KLK12: variants seen among roughly 807,000 people sequenced by gnomAD.
KLK12 encodes kallikrein-12.
Under a neutral mutation model 20.0 loss-of-function variants are expected in KLK12, and 23 were observed. The observed-to-expected ratio is 1.15, with a 90% CI of 0.83 to 1.63. KLK12 has a LOEUF of 1.63. Ranked by LOEUF, KLK12 falls within the 40% of genes most tolerant of loss-of-function variation. The pLI is 0.00. For missense variants in KLK12, 351 were observed against 338.6 expected, an observed-to-expected ratio of 1.04 and a Z score of -0.29; for synonymous variants, 147 against 141.9, an observed-to-expected ratio of 1.04 and a Z score of -0.25.
At position 51,030,793 on chromosome 19, in the gene KLK12, A is replaced by G. The variant is rs1447793439; in HGVS notation, c.586T>C (p.Cys196Arg). 3 of 1,613,630 alleles carry G rather than the reference A, an allele frequency of 1.9e-6. No homozygotes were observed. The highest frequency in any genetic ancestry group is 1.7e-6 in the Non-Finnish European group (2 of 1,180,008). ...CGCTGCCTGCACTGGCTCACCTGGC[A>G]GGCATCCTGCCCCGGGACGCCGCCT... The part of the protein sequence containing the change: ...CAGGVPGQDA[C>R]QGDSGGPLVC... Residue 196 changes from cysteine to arginine, a missense_variant, in exon 5 of 6, where the codon TGC (cysteine) becomes CGC (arginine). Coordinates refer to ENST00000684732, the MANE Select transcript of KLK12 (RefSeq NM_001370125.1).
At chr19:51,030,954 C>T in intron 4 of KLK12, 33 bp from the exon 5 acceptor site, 1 of 1,613,680 alleles carries the variant, frequency 6.2e-7, no homozygotes, top group East Asian at 2.2e-5. Context: ...GCAGGGTCCC[C>T]TAAATCTCCC....
chr19:51,031,511 A>G (rs960931083), intron 4 of KLK12, among the ~76,000 whole-genome samples: 1 of 151,200 alleles, frequency 6.6e-6, no homozygotes, highest in South Asian at 2.1e-4. Context: ...ACCAGATTGT[A>G]CAACCTCTGG....
At position 51,034,156 on chromosome 19, in the gene KLK12, G is replaced by T. The variant is rs780397576; in HGVS notation, c.38-17C>A. The T allele has an allele frequency of 1.9e-6, 3 of 1,551,348 alleles. No homozygotes were observed. In the Admixed American group the frequency reaches 5.9e-5, roughly 30 times the overall value. On this transcript the variant is annotated splice_polypyrimidine_tract_variant and intron_variant, in intron 2 of 5. Transcript: ENST00000684732. The stretch of plus-strand genomic sequence containing the variant: ...GGCTGAGCCCTGGAGACAGACAGGG[G>T]CATGGGTCAGAGAGAGGAAGAAAAG...
intron 2 of KLK12, 125 bp from the exon 3 acceptor site, chr19:51,034,264 G>C: frequency 3.2e-6 from 4 of 1,244,096 alleles, no homozygotes; most frequent in Non-Finnish European, 4.5e-6. Context: ...GAAAGAGAGA[G>C]AAAGAGAGAG....
At chr19:51,029,839 G>A (rs1043114908) in intron 5 of KLK12, among the ~76,000 whole-genome samples, 5 of 152,062 alleles carry the variant, frequency 3.3e-5, no homozygotes, top group African/African-American at 1.2e-4. Flanking sequence ...AATGAGGAGA[G>A]AGAACACTAT....
At chr19:51,029,498 C>T (rs2091529935) in intron 5 of KLK12, 41 bp from the exon 6 acceptor site, 1 of 1,532,416 alleles carries the variant, frequency 6.5e-7, no homozygotes, top group Admixed American at 1.7e-5. Context: ...AGGGAGACAT[C>T]TTATTTCTGT....
chr19:51,033,402 G>C (rs965330034), intron 3 of KLK12, among the ~76,000 whole-genome samples: 5 of 151,990 alleles, frequency 3.3e-5, no homozygotes, highest in African/African-American at 7.3e-5. Context: ...GGTCATTTGA[G>C]GCCAGGAGTT....
At position 51,034,865 on chromosome 19, in the gene KLK12, G is replaced by A. The variant is rs1334824688; in HGVS notation, c.-79C>T. 11 of 1,392,142 alleles carry A rather than the reference G, an allele frequency of 7.9e-6. No homozygotes were observed. The highest frequency in any genetic ancestry group is 2.7e-5 in the East Asian group (1 of 36,368). 86.2% of individuals were successfully genotyped at this position (1,392,142 alleles called of 1,614,324 possible). On this transcript the variant is annotated 5_prime_UTR_variant, in exon 1 of 6. Transcript: ENST00000684732. ...TGTCACTGTTTGGCCTGTCCTCGTC[G>A]CTGCTATCTCTCCGTCCACCTACCT... is the stretch of plus-strand genomic sequence containing the variant.
At chr19:51,030,755 T>C in intron 5 of KLK12, 33 bp downstream of exon 5, 2 of 1,612,136 alleles carry the variant, frequency 1.2e-6, no homozygotes, top group Non-Finnish European at 1.7e-6. Flanking sequence ...CTTCCTGTCC[T>C]GGTGACCACG....
intron 1 of KLK12, 40 bp from the exon 2 acceptor site, chr19:51,034,680 G>A (rs2091594751): frequency 2.5e-6 from 4 of 1,579,872 alleles, no homozygotes; most frequent in East Asian, 4.5e-5. Context: ...CCCTTTCCCT[G>A]TGCCCCCCAC....
Position 51,031,595 on chromosome 19 carries a change from C to CATACATATATAT in KLK12, c.457+280_457+281insATATATATGTAT, listed in dbSNP as rs6146546. The stretch of plus-strand genomic sequence containing the variant: ...CCACAATGCCCATATCCTATACATA[C>CATACATATATAT]ATATATATATATATATGCCTTTTGC... On this transcript the variant is annotated intron_variant, in intron 4 of 5. Transcript: ENST00000684732. Among the ~76,000 whole-genome samples, 640 of 120,368 alleles carry CATACATATATAT rather than the reference C, an allele frequency of 5.3e-3. 15 individuals carry two copies. Among genetic ancestry groups the CATACATATATAT allele is most frequent in the East Asian group, 0.018 (74 of 4,004 alleles). The allele number at this position is 120,368 out of a possible 152,430, so 79.0% of individuals were successfully genotyped here. A position where few individuals can be genotyped will look rare whatever the true frequency, so the allele number is the denominator to read the frequency against.
rs1261136164 is a variant in KLK12 at position 51,029,207 on chromosome 19, G to C, written c.*95C>G. On this transcript the variant is annotated 3_prime_UTR_variant, in exon 6 of 6. Coordinates refer to ENST00000684732, the MANE Select transcript of KLK12 (RefSeq NM_001370125.1). ...CCAAGAAGTTCCCAGGCCAACAAGA[G>C]TGGAGCTAGGGGAAGTGATGGAGGA... The C allele has an allele frequency of 6.2e-7, 1 of 1,614,042 alleles. No homozygotes were observed. The highest frequency in any genetic ancestry group is 1.3e-5 in the African/African-American group (1 of 74,894).
In KLK12 at chr19:51,034,148, A is replaced by G. The variant is rs746227635; in HGVS notation, c.38-9T>C. 21 of 1,551,830 alleles carry G rather than the reference A, an allele frequency of 1.4e-5. No homozygotes were observed. The South Asian group carries it at 2.4e-4, about 18-fold the overall frequency. ...GGCTGCCTGGCTGAGCCCTGGAGAC[A>G]GACAGGGGCATGGGTCAGAGAGAGG... On this transcript the variant is annotated splice_polypyrimidine_tract_variant and intron_variant, in intron 2 of 5. Coordinates refer to ENST00000684732, the MANE Select transcript of KLK12 (RefSeq NM_001370125.1).
chr19:51,031,674 T>C (rs1175921836), intron 4 of KLK12: 2 of 679,904 alleles, frequency 2.9e-6, no homozygotes, highest in African/African-American at 3.6e-5. Context: ...ATCCCTGACT[T>C]CATACCCAGT....
At chr19:51,031,002 C>A (rs2091552405) in intron 4 of KLK12, 81 bp from the exon 5 acceptor site, 7 of 1,558,484 alleles carry the variant, frequency 4.5e-6, no homozygotes, top group Non-Finnish European at 4.4e-6. Context: ...GGATGTGGCC[C>A]ATCCATGTCA....
chr19:51,034,063 C>T lies in KLK12; in HGVS notation c.114G>A (p.Gly38=), dbSNP rs765026453. Residue 38 remains glycine (G), a synonymous_variant, in exon 3 of 6, where the codon GGG becomes GGA. Coordinates refer to ENST00000684732, the MANE Select transcript of KLK12 (RefSeq NM_001370125.1). ...AGCGCAGGCTGGTGCCCTCAAACAG[C>T]CCCACCTGCCACGGCTGTGAGTTAC... ...CGRNSQPWQV[G]LFEGTSLRCG... is the part of the protein sequence containing the mutation. The T allele has an allele frequency of 1.4e-5, 22 of 1,586,000 alleles. No homozygotes were observed. The South Asian group carries it at 2.2e-4, about 16-fold the overall frequency.
chr19:51,030,659 C>G (rs1462653322), intron 5 of KLK12, 129 bp downstream of exon 5: 6 of 1,372,836 alleles, frequency 4.4e-6, no homozygotes, highest in Non-Finnish European at 6.1e-6. Flanking sequence ...CTCTCCCTTC[C>G]TTTTTGACCC....
At chr19:51,033,745 G>A (rs1269251502) in intron 3 of KLK12, 2 of 594,754 alleles carry the variant, frequency 3.4e-6, no homozygotes, top group Non-Finnish European at 6.0e-6. Context: ...TGCAGGAATG[G>A]GAGAGGCAGG....
chr19:51,032,091 T>A lies in KLK12; in HGVS notation c.242A>T (p.Asp81Val). 6.2e-7 allele frequency: 1 copy of A among 1,604,784 alleles called. No homozygotes were observed. Among genetic ancestry groups the A allele is most frequent in the Non-Finnish European group, 8.5e-7 (1 of 1,178,058 alleles). Residue 81 changes from aspartate to valine, a missense_variant, in exon 4 of 6, where the codon GAC (aspartate) becomes GTC (valine). Coordinates refer to ENST00000684732, the MANE Select transcript of KLK12 (RefSeq NM_001370125.1). ...GCTGTGCCGGATCTGCTCGGTCCAGTCGAGCTGGCTGAGGCTGTGTTCCCC... is the reference window on the plus strand; with the variant it reads ...GCTGTGCCGGATCTGCTCGGTCCAGACGAGCTGGCTGAGGCTGTGTTCCCC... ...RLGEHSLSQL[D>V]WTEQIRHSGF...
Sources: gnomAD v4.1 joint callset for allele counts (sites outside exome capture counted in the v4.1 genomes callset) on GRCh38, gnomAD v4.1.1 for gene constraint, MANE v1.5 for transcripts, NCBI Gene and HGNC (gene_info 2026-07-23, HGNC 2026-07-21) for gene names.